Variants in ZFR2 observed in about 807,000 individuals in gnomAD.
ZFR2 encodes the protein zinc finger RNA binding protein 2, also known as zinc finger RNA-binding protein 2.
A neutral mutation model predicts 105.7 loss-of-function variants in ZFR2; 104 were observed. The ratio of observed to expected loss-of-function variants is 0.98; its 90% confidence interval spans 0.84 to 1.16. ZFR2 has a LOEUF of 1.16. Among genes scored for constraint, ZFR2 ranks in the 50% most tolerant of loss-of-function variants. The pLI, the probability that ZFR2 is intolerant of heterozygous loss-of-function variation, is 0.00. For missense variants in ZFR2, 1,425 were observed against 1,355.5 expected (o/e 1.05, Z -0.80); for synonymous variants, 634 against 597.7 (o/e 1.06, Z -0.89).
intron 15 of ZFR2, 21 bp from the exon 16 acceptor site, chr19:3,810,866 G>A (rs778953395): frequency 3.9e-6 from 6 of 1,549,592 alleles, no homozygotes; most frequent in Non-Finnish European, 5.2e-6. Flanking sequence ...GAAGCACACG[G>A]TTAGCTTTCA....
chr19:3,850,922 A>AAG (rs1568431139), intron 1 of ZFR2, among the ~76,000 whole-genome samples: 1 of 144,964 alleles, frequency 6.9e-6, no homozygotes, highest in African/African-American at 2.5e-5. Context: ...AAAAAAAAAA[A>AAG]AGAGACACCA....
intron 13 of ZFR2, among the ~76,000 whole-genome samples, chr19:3,814,930 T>C (rs2037808837): frequency 1.3e-5 from 2 of 152,078 alleles, no homozygotes; most frequent in South Asian, 2.1e-4. Flanking sequence ...CAGGTGCTGG[T>C]CATTCTATGG....
At chr19:3,846,155 T>G (rs1347124910) in intron 1 of ZFR2, among the ~76,000 whole-genome samples, 1 of 152,226 alleles carries the variant, frequency 6.6e-6, no homozygotes, top group Non-Finnish European at 1.5e-5. Context: ...TTTTGTATTT[T>G]TAATAAAGAC....
rs762638647 is a variant in ZFR2 at position 3,829,459 on chromosome 19, T to TGC, written c.853-1807_853-1806insGC. Among the ~76,000 whole-genome samples the TGC allele has an allele frequency of 9.7e-4, 145 of 149,734 alleles. 1 individual carries two copies. Among genetic ancestry groups the TGC allele is most frequent in the Admixed American group, 1.3e-3 (20 of 15,040 alleles). On this transcript the variant is annotated intron_variant, in intron 5 of 18. Transcript: ENST00000262961. ...ATGGGGGACTATAGGTAGGTTTGTGTGTGTGTGTGTGTGTGTGTGTGTTTT... is the reference window on the plus strand; with the variant it reads ...ATGGGGGACTATAGGTAGGTTTGTGTGCGTGTGTGTGTGTGTGTGTGTGTTTT...
chr19:3,834,930 T>C lies in ZFR2; in HGVS notation c.107A>G (p.Gln36Arg), dbSNP rs767052586. 1.9e-6 allele frequency: 3 copies of C among 1,611,896 alleles called. No homozygotes were observed. The Admixed American group carries it at 5.0e-5, about 27-fold the overall frequency. The change falls in exon 2 of 19, where the codon CAA (glutamine) becomes CGA (arginine). Residue 36 changes from glutamine to arginine, a missense_variant. Coordinates refer to ENST00000262961, the MANE Select transcript of ZFR2 (RefSeq NM_015174.2). The surrounding 1 kb of genome is among the most constrained non-coding windows in gnomAD (Gnocchi z 5.3). ...GGCAGGGTCCATCCCAGGAGTGGGT[T>C]GTGCAGTATAGCTGGCCCCCACAGT... ...LPTVGASYTA[Q>R]PTPGMDPAVN...
Position 3,816,709 on chromosome 19 carries a change from G to C in ZFR2, c.2068C>G (p.Arg690Gly). Residue 690 changes from arginine to glycine, a missense_variant, in exon 13 of 19, where the codon CGG (arginine) becomes GGG (glycine). Arg to Gly is a moderately radical substitution (Grantham distance 125). Coordinates refer to ENST00000262961, the MANE Select transcript of ZFR2 (RefSeq NM_015174.2). ...CSEKPTHSLL[R>G]RIAQQLPRQL... ...CGGGGCAGCTGCTGGGCGATCCTCC[G>C]CAGCAGGCTGTGCGTGGGCTTCTCG... is the stretch of plus-strand genomic sequence containing the variant. 1.2e-6 allele frequency: 2 copies of C among 1,611,672 alleles called. No individual in the cohort carries two copies. Among genetic ancestry groups the C allele is most frequent in the Middle Eastern group, 1.7e-4 (1 of 5,928 alleles).
At chr19:3,868,877 G>A (rs1210411769) in intron 1 of ZFR2, 88 bp downstream of exon 1, 1 of 1,088,358 alleles carries the variant, frequency 9.2e-7, no homozygotes, top group Non-Finnish European at 1.2e-6. Flanking sequence ...GCCGGGCCGG[G>A]CGCACGCGGC....
intron 5 of ZFR2, among the ~76,000 whole-genome samples, 159 bp downstream of exon 5, chr19:3,831,144 C>T (rs759075754): frequency 1.3e-5 from 2 of 152,226 alleles, no homozygotes; most frequent in South Asian, 2.1e-4. Context: ...CACACACAAG[C>T]GCTTGCACAC....
chr19:3,840,126 C>T (rs1459818972), intron 1 of ZFR2, among the ~76,000 whole-genome samples: 2 of 152,334 alleles, frequency 1.3e-5, no homozygotes, highest in Non-Finnish European at 2.9e-5. Context: ...TTCTTCCCTA[C>T]GCTGTCCTCC....
intron 13 of ZFR2, among the ~76,000 whole-genome samples, chr19:3,815,750 A>ATT (rs10579892): frequency 2.9e-5 from 4 of 136,978 alleles, no homozygotes; most frequent in African/African-American, 5.4e-5. Flanking sequence ...TGCTCAGCTA[A>ATT]TTTTTTTTTT....
chr19:3,844,884 G>A (rs2038171979), intron 1 of ZFR2, among the ~76,000 whole-genome samples: 1 of 152,216 alleles, frequency 6.6e-6, no homozygotes, highest in Admixed American at 6.5e-5. Flanking sequence ...GGGGGACTCA[G>A]TCTCTGCAGC....
chr19:3,821,604 CTTTTTTTTTTT>C lies in ZFR2; in HGVS notation c.1492-136_1492-126del, dbSNP rs56275505. On this transcript the variant is annotated intron_variant, in intron 9 of 18. Coordinates refer to ENST00000262961, the MANE Select transcript of ZFR2 (RefSeq NM_015174.2). ...GTTGGGCTGAAAAATCTCCCAAAGC[CTTTTTTTTTTT>C]TTTTTTTTTTTTTTCGAGACAGAGT... 643 of 247,622 alleles carry C rather than the reference CTTTTTTTTTTT, an allele frequency of 2.6e-3. 1 individual carries two copies. The highest frequency in any genetic ancestry group is 8.5e-3 in the Middle Eastern group (7 of 820). The allele number at this position is 247,622 out of a possible 1,614,324, so 15.3% of individuals were successfully genotyped here.
intron 1 of ZFR2, among the ~76,000 whole-genome samples, chr19:3,837,543 A>ACTCGATGAACACCGTGACC (rs1426428498): frequency 3.3e-4 from 50 of 151,224 alleles, no homozygotes; most frequent in African/African-American, 1.1e-3. Context: ...TGACCGTGAC[A>ACTCGATGAACACCGTGACC]CTCGATGAAC....
chr19:3,856,451 G>A (rs533773485), intron 1 of ZFR2, among the ~76,000 whole-genome samples: 5 of 152,034 alleles, frequency 3.3e-5, no homozygotes, highest in Non-Finnish European at 7.4e-5. Flanking sequence ...TAAAGTGCAC[G>A]GTTCGGTGGC....
chr19:3,812,652 C>A (rs529231878), intron 14 of ZFR2, among the ~76,000 whole-genome samples: 31 of 152,270 alleles, frequency 2.0e-4, no homozygotes, highest in African/African-American at 7.2e-4. Flanking sequence ...CAGCCTTCAG[C>A]TAGCGCCAAA....
chr19:3,837,074 G>A (rs535438893), intron 1 of ZFR2, among the ~76,000 whole-genome samples: 1 of 152,310 alleles, frequency 6.6e-6, no homozygotes, highest in African/African-American at 2.4e-5. Context: ...TGAGTCATCC[G>A]CAGTGTCAGG....
rs763039647 is a variant in ZFR2 at position 3,866,349 on chromosome 19, C to T, written c.53+2616G>A. On this transcript the variant is annotated intron_variant, in intron 1 of 18. Transcript: ENST00000262961. ...CTTAAGGAAGAACACATTCTCTCTG[C>T]GGCAATTCTAAGGACGGACTAACTC... Among the ~76,000 whole-genome samples, 33 of 152,056 alleles carry T rather than the reference C, an allele frequency of 2.2e-4. 1 individual carries two copies. Among genetic ancestry groups the T allele is most frequent in the Middle Eastern group, 3.2e-3 (1 of 316 alleles).
At chr19:3,867,311 G>GGA (rs2145202125) in intron 1 of ZFR2, among the ~76,000 whole-genome samples, 1 of 151,286 alleles carries the variant, frequency 6.6e-6, no homozygotes, top group Non-Finnish European at 1.5e-5. Context: ...TGTTGGGGGG[G>GGA]GAATCTGGTC....
intron 5 of ZFR2, among the ~76,000 whole-genome samples, chr19:3,828,606 A>G (rs1179910939): frequency 6.6e-6 from 1 of 152,190 alleles, no homozygotes; most frequent in Admixed American, 6.5e-5. Flanking sequence ...TCACAGGCCT[A>G]CGCATCCGGT....
Sources: gnomAD v4.1 joint callset for allele counts (sites outside exome capture counted in the v4.1 genomes callset) on GRCh38, gnomAD v4.1.1 for gene constraint, Gnocchi (gnomAD v3.1) non-coding constraint, MANE v1.5 for transcripts, NCBI Gene and HGNC (gene_info 2026-07-23, HGNC 2026-07-21) for gene names.